The following HAO1 variants were observed in gnomAD, a reference collection of about 807,000 sequenced individuals.
HAO1 encodes 2-Hydroxyacid oxidase 1.
HAO1 carries 34 observed loss-of-function variants against 39.7 expected under a neutral mutation model. The observed-to-expected ratio is 0.86, with a 90% CI of 0.65 to 1.14. HAO1 has a LOEUF of 1.14. Among genes scored for constraint, HAO1 ranks in the 50% most tolerant of loss-of-function variants. HAO1 has a pLI of 0.00. For missense variants in HAO1, 479 were observed against 464.5 expected (o/e 1.03, Z -0.29); for synonymous variants, 172 against 173.2 (o/e 0.99, Z 0.05).
chr20:7,927,418 G>A (rs150440840), intron 2 of HAO1, among the ~76,000 whole-genome samples: 139 of 152,028 alleles, frequency 9.1e-4, no homozygotes, highest in African/African-American at 2.7e-3. Context: ...AGTTTCAAAC[G>A]GATGTGCCAT....
At chr20:7,892,220 G>A (rs1220190986) in intron 5 of HAO1, among the ~76,000 whole-genome samples, 3 of 152,060 alleles carry the variant, frequency 2.0e-5, no homozygotes, top group Non-Finnish European at 2.9e-5. Context: ...CAAGTAGCTG[G>A]GATTACAGGA....
At chr20:7,924,061 T>C (rs1359835071) in intron 2 of HAO1, among the ~76,000 whole-genome samples, 4 of 152,136 alleles carry the variant, frequency 2.6e-5, no homozygotes, top group African/African-American at 9.7e-5. Flanking sequence ...GGGTCACAGG[T>C]ACATTTGCCA....
Position 7,895,129 on chromosome 20 carries a change from TCA to T in HAO1, c.813+2_813+3del. ...AGGAAATCTTAGCGTCTGCCAAAAC[TCA>T]CAGTGGCTGGCACCCCATCGAGTTG... is the stretch of plus-strand genomic sequence containing the variant. On this transcript the variant is annotated splice_donor_variant and splice_donor_region_variant and intron_variant, in intron 5 of 7. Coordinates refer to ENST00000378789, the MANE Select transcript of HAO1 (RefSeq NM_017545.3). LOFTEE classifies it high-confidence loss of function. 2.5e-6 allele frequency: 4 copies of T among 1,593,650 alleles called. No individual in the cohort carries two copies. The East Asian group carries it at 6.7e-5, about 27-fold the overall frequency.
intron 5 of HAO1, among the ~76,000 whole-genome samples, chr20:7,888,247 T>C (rs1164474079): frequency 6.6e-6 from 1 of 152,086 alleles, no homozygotes; most frequent in African/African-American, 2.4e-5. Flanking sequence ...GTAAGGGATG[T>C]AGAAAGAAAC....
At chr20:7,883,930 A>G (rs1177047472) in intron 7 of HAO1, among the ~76,000 whole-genome samples, 1 of 152,162 alleles carries the variant, frequency 6.6e-6, no homozygotes, top group East Asian at 1.9e-4. Flanking sequence ...CTCTTTTAGG[A>G]TATGTCTGTA....
chr20:7,938,633 A>G (rs1460220709), intron 1 of HAO1, among the ~76,000 whole-genome samples: 2 of 152,174 alleles, frequency 1.3e-5, no homozygotes, highest in African/African-American at 4.8e-5. Flanking sequence ...TAGGTGATCC[A>G]TCTGCTTTGG....
chr20:7,896,580 C>G (rs574470247), intron 4 of HAO1, among the ~76,000 whole-genome samples: 1 of 152,104 alleles, frequency 6.6e-6, no homozygotes, highest in East Asian at 1.9e-4. Context: ...GTATAGGAAA[C>G]TGTTAAACCT....
intron 2 of HAO1, among the ~76,000 whole-genome samples, chr20:7,930,223 G>A (rs1312193750): frequency 1.3e-5 from 2 of 151,914 alleles, no homozygotes; most frequent in Non-Finnish European, 2.9e-5. Context: ...AATGCTTAGC[G>A]GCCAGATATT....
intron 4 of HAO1, 126 bp from the exon 5 acceptor site, chr20:7,895,350 G>T (rs904653749): frequency 4.6e-5 from 30 of 648,538 alleles, no homozygotes; most frequent in Non-Finnish European, 1.4e-5. Context: ...AATAATCTTA[G>T]CATAAAAGTA....
intron 2 of HAO1, among the ~76,000 whole-genome samples, chr20:7,924,861 C>G (rs1056456152): frequency 6.6e-6 from 1 of 152,086 alleles, no homozygotes; most frequent in Admixed American, 6.6e-5. Context: ...AACAGCTGCA[C>G]TGAAAATAAT....
intron 4 of HAO1, among the ~76,000 whole-genome samples, chr20:7,895,852 C>T (rs1403398134): frequency 1.3e-5 from 2 of 152,058 alleles, no homozygotes; most frequent in Non-Finnish European, 2.9e-5. Context: ...TCAAGACTAG[C>T]CTGACCAACA....
intron 3 of HAO1, among the ~76,000 whole-genome samples, chr20:7,911,969 A>G (rs2064219950): frequency 6.6e-6 from 1 of 152,224 alleles, no homozygotes; most frequent in African/African-American, 2.4e-5. Flanking sequence ...CCACTGAGGA[A>G]CTGACCAGAA....
At chr20:7,937,336 A>G (rs1247209806) in intron 1 of HAO1, among the ~76,000 whole-genome samples, 1 of 151,960 alleles carries the variant, frequency 6.6e-6, no homozygotes, top group East Asian at 1.9e-4. Context: ...CTGCATTCCA[A>G]TTTTCTCCAC....
In HAO1 at chr20:7,906,222, C is replaced by G. The variant is rs142998832; in HGVS notation, c.653G>C (p.Ser218Thr). The change falls in exon 4 of 8, where the codon AGC becomes ACC. Residue 218 changes from serine to threonine, a missense_variant. Physicochemically the swap from Ser to Thr is moderately conservative, Grantham distance 58. Transcript: ENST00000378789. ...TCTCAGCCATTTGATATCTTCCCAG[C>G]TGATAGATGGGTCTATTGCTTTAGC... ...YVAKAIDPSI[S>T]WEDIKWLRRL... 1 of 1,612,584 alleles carries G rather than the reference C, an allele frequency of 6.2e-7. No individual in the cohort carries two copies. Among genetic ancestry groups the G allele is most frequent in the African/African-American group, 1.3e-5 (1 of 75,000 alleles).
chr20:7,927,418 G>T (rs150440840), intron 2 of HAO1, among the ~76,000 whole-genome samples: 1 of 152,028 alleles, frequency 6.6e-6, no homozygotes, highest in African/African-American at 2.4e-5. Context: ...AGTTTCAAAC[G>T]GATGTGCCAT....
At position 7,903,182 on chromosome 20, in the gene HAO1, T is replaced by C. The variant is rs1426309809; in HGVS notation, c.721+2972A>G. ...ATTGTTGTCATAGAGATGATTCTTG[T>C]TTGTTAAATAAAAGAACCAAATAGT... On this transcript the variant is annotated intron_variant, in intron 4 of 7. Coordinates refer to ENST00000378789, the MANE Select transcript of HAO1 (RefSeq NM_017545.3). 2.0e-5 allele frequency among the ~76,000 whole-genome samples: 3 copies of C among 152,216 alleles called. No individual in the cohort carries two copies. The East Asian group carries it at 5.8e-4, about 29-fold the overall frequency.
chr20:7,922,183 T>C (rs188707121), intron 2 of HAO1, among the ~76,000 whole-genome samples: 171 of 152,152 alleles, frequency 1.1e-3, no homozygotes, highest in South Asian at 3.1e-3. Context: ...AAATGGCCAA[T>C]AGATATATGA....
chr20:7,904,590 G>A (rs2050238815), intron 4 of HAO1, among the ~76,000 whole-genome samples: 1 of 151,864 alleles, frequency 6.6e-6, no homozygotes, highest in Admixed American at 6.6e-5. Flanking sequence ...TTACATTATT[G>A]CCCATATTCT....
chr20:7,922,457 C>G (rs2050337982), intron 2 of HAO1, among the ~76,000 whole-genome samples: 1 of 152,088 alleles, frequency 6.6e-6, no homozygotes, highest in African/African-American at 2.4e-5. Flanking sequence ...TTTTCCCTTG[C>G]AAATATAGTG....
Sources: allele counts gnomAD v4.1 joint callset (sites outside exome capture counted in the v4.1 genomes callset), GRCh38; gene constraint gnomAD v4.1.1; transcripts MANE v1.5; gene names NCBI Gene and HGNC (gene_info 2026-07-23, HGNC 2026-07-21).